L3MBTL1: variants seen among roughly 807,000 people sequenced by gnomAD.
The protein encoded by L3MBTL1 is lethal(3)malignant brain tumor-like protein 1.
A neutral mutation model predicts 105.3 loss-of-function variants in L3MBTL1; 75 were observed. The observed-to-expected ratio is 0.71, with a 90% CI of 0.59 to 0.86. The LOEUF (loss-of-function observed/expected upper bound fraction) is 0.86, where lower values mean the gene tolerates loss of function less well. Among genes scored for constraint, L3MBTL1 ranks in the 40% least tolerant of loss-of-function variants. The pLI, the probability that L3MBTL1 is intolerant of heterozygous loss-of-function variation, is 0.00. For synonymous variants in L3MBTL1, 452 were observed against 436.2 expected (o/e 1.04, Z -0.45); for missense variants, 1,069 against 1,126.4 (o/e 0.95, Z 0.73).
At chr20:43,537,543 A>C (rs1246518629) in intron 19 of L3MBTL1, among the ~76,000 whole-genome samples, 1 of 152,162 alleles carries the variant, frequency 6.6e-6, no homozygotes, top group African/African-American at 2.4e-5. Context: ...TCCCATTCAG[A>C]GGCACTGGGG....
chr20:43,508,688 C>T (rs1312870698), intron 1 of L3MBTL1, among the ~76,000 whole-genome samples: 1 of 152,204 alleles, frequency 6.6e-6, no homozygotes, highest in Non-Finnish European at 1.5e-5. Context: ...AGGTCGGGTC[C>T]CCCGAAACAG....
chr20:43,508,416 G>C (rs1305711819), intron 1 of L3MBTL1, among the ~76,000 whole-genome samples: 1 of 152,188 alleles, frequency 6.6e-6, no homozygotes, highest in Admixed American at 6.5e-5. Context: ...GGCGAGGGGC[G>C]GGGCCGAGGC....
chr20:43,509,981 A>G (rs2018088504), intron 1 of L3MBTL1, among the ~76,000 whole-genome samples: 1 of 152,148 alleles, frequency 6.6e-6, no homozygotes, highest in South Asian at 2.1e-4. Flanking sequence ...CTCCTGCCTC[A>G]GCCTCCTGAG....
At chr20:43,536,889 T>C (rs1260697262) in intron 19 of L3MBTL1, among the ~76,000 whole-genome samples, 4 of 152,246 alleles carry the variant, frequency 2.6e-5, no homozygotes, top group African/African-American at 9.6e-5. Flanking sequence ...CTTTCCATTG[T>C]CAATACCTGA....
chr20:43,547,716 G>A (rs1193616350), intron 18 of L3MBTL1, among the ~76,000 whole-genome samples: 2 of 152,164 alleles, frequency 1.3e-5, no homozygotes, highest in Non-Finnish European at 2.9e-5. Context: ...CAGCACTAAG[G>A]TTGACCAATG....
chr20:43,535,807 A>G (rs375139180), intron 16 of L3MBTL1, 30 bp from the exon 17 acceptor site: 15 of 1,472,928 alleles, frequency 1.0e-5, no homozygotes, highest in Non-Finnish European at 1.4e-5. Flanking sequence ...CCAGGACTCC[A>G]TGAGGACCGC....
intron 19 of L3MBTL1, 76 bp from the exon 20 acceptor site, chr20:43,540,075 G>A: frequency 1.3e-6 from 2 of 1,557,844 alleles, no homozygotes; most frequent in Non-Finnish European, 1.7e-6. Flanking sequence ...TCTCCTGAGT[G>A]GTGTGGGTAT....
intron 19 of L3MBTL1, among the ~76,000 whole-genome samples, chr20:43,537,121 G>A (rs948983168): frequency 1.3e-5 from 2 of 152,228 alleles, no homozygotes; most frequent in Non-Finnish European, 2.9e-5. Flanking sequence ...GATCTGGCCT[G>A]ACTCCTCCTG....
chr20:43,514,009 G>T lies in L3MBTL1; in HGVS notation c.308G>T (p.Arg103Leu). 3 of 1,541,702 alleles carry T rather than the reference G, an allele frequency of 1.9e-6. No individual in the cohort carries two copies. The highest frequency in any genetic ancestry group is 2.6e-6 in the Non-Finnish European group (3 of 1,146,818). The change falls in exon 3 of 22, where the codon CGG becomes CTG. Residue 103 changes from arginine (R) to leucine (L), a missense_variant. By Grantham distance (102) the Arg-to-Leu change is moderately radical. Transcript: ENST00000418998. ...GCCAGCTCCAGCACCAGCACAGTGC[G>T]GCTTCTGGAATGGACAGAGGCCGCG... ...GPASSSTSTV[R>L]LLEWTEAAAP...
intron 7 of L3MBTL1, among the ~76,000 whole-genome samples, chr20:43,523,022 C>G (rs1055564236): frequency 2.0e-5 from 3 of 151,714 alleles, no homozygotes; most frequent in Non-Finnish European, 2.9e-5. Flanking sequence ...GCAGGAGAAT[C>G]ACTTGAACCT....
chr20:43,532,797 G>A lies in L3MBTL1; in HGVS notation c.1309G>A (p.Val437Met), dbSNP rs1484374546. Residue 437 changes from valine (V) to methionine (M), a missense_variant, in exon 12 of 22, where the codon GTG becomes ATG. Coordinates refer to ENST00000418998, the MANE Select transcript of L3MBTL1 (RefSeq NM_001377303.1). ...GAGTCCCCCACCCCTGGGCTTCCAG[G>A]TGGGCATGAAGCTGGAGGCTGTTGA... ...SHSPPPLGFQ[V>M]GMKLEAVDRM... The A allele has an allele frequency of 1.2e-6, 2 of 1,614,226 alleles. No homozygotes were observed. Among genetic ancestry groups the A allele is most frequent in the Middle Eastern group, 1.6e-4 (1 of 6,062 alleles).
chr20:43,534,788 C>T, intron 15 of L3MBTL1, 40 bp from the exon 16 acceptor site: 2 of 1,474,876 alleles, frequency 1.4e-6, no homozygotes, highest in Non-Finnish European at 1.9e-6. Context: ...AGCTGGGCTC[C>T]ATGAGAAACG....
rs990087927 is a variant in L3MBTL1, at chr20:43,524,007, A to G, written c.863-4650A>G. On this transcript the variant is annotated intron_variant, in intron 7 of 21. Coordinates refer to ENST00000418998, the MANE Select transcript of L3MBTL1 (RefSeq NM_001377303.1). Reference sequence around the variant, plus strand: ...GACTCCATCTCAAAAAAAAAAAAAAAAAAGAAACAGGATGTCACTATGTTG... The same window carrying G: ...GACTCCATCTCAAAAAAAAAAAAAAGAAAGAAACAGGATGTCACTATGTTG... 8.6e-5 allele frequency among the ~76,000 whole-genome samples: 13 copies of G among 151,778 alleles called. No homozygotes were observed. In the East Asian group the frequency reaches 1.2e-3, roughly 14 times the overall value.
chr20:43,511,798 AAAT>A (rs1257337656), intron 1 of L3MBTL1, among the ~76,000 whole-genome samples: 23 of 147,764 alleles, frequency 1.6e-4, no homozygotes, highest in African/African-American at 5.3e-4. Context: ...AAAAAAAAAA[AAAT>A]TGGTAAAGAA....
In L3MBTL1 at chr20:43,541,086, T is replaced by G. The variant is rs771364632; in HGVS notation, c.2547T>G (p.His849Gln). Residue 849 changes from histidine (H) to glutamine (Q), a missense_variant, in exon 22 of 22, where the codon CAT becomes CAG. Transcript: ENST00000418998. Reference sequence around the variant, plus strand: ...CACTCCTCTGCTCTCTACCCACTCATTTGCTTGCCAAACTTAGCTTTGCCA... The same window carrying G: ...CACTCCTCTGCTCTCTACCCACTCAGTTGCTTGCCAAACTTAGCTTTGCCA... Reference protein sequence around the residue: ...VHSLLCSLPTHLLAKLSFASD... With the variant: ...VHSLLCSLPTQLLAKLSFASD... 3 of 1,614,152 alleles carry G rather than the reference T, an allele frequency of 1.9e-6. No individual in the cohort carries two copies. The highest frequency in any genetic ancestry group is 2.5e-6 in the Non-Finnish European group (3 of 1,180,008).
At chr20:43,528,816 C>T in intron 8 of L3MBTL1, 71 bp downstream of exon 8, 1 of 1,188,220 alleles carries the variant, frequency 8.4e-7, no homozygotes, top group Non-Finnish European at 1.3e-6. Flanking sequence ...AACCTCAGGC[C>T]TTCTGGCGTT....
chr20:43,538,350 A>G (rs931725650), intron 19 of L3MBTL1, among the ~76,000 whole-genome samples: 3 of 152,210 alleles, frequency 2.0e-5, no homozygotes, highest in Non-Finnish European at 4.4e-5. Flanking sequence ...GGCTGAGACT[A>G]TGTCACGGAA....
intron 11 of L3MBTL1, 189 bp from the exon 12 acceptor site, chr20:43,532,584 C>T (rs1326101871): frequency 1.7e-6 from 1 of 583,210 alleles, no homozygotes; most frequent in Non-Finnish European, 3.0e-6. Context: ...CCAGAGGTTC[C>T]TGAGTGCCTC....
chr20:43,518,100 A>C (rs1407788779), intron 7 of L3MBTL1, among the ~76,000 whole-genome samples: 2 of 151,722 alleles, frequency 1.3e-5, no homozygotes, highest in East Asian at 3.9e-4. Context: ...CTTTTGAAGC[A>C]TACTACTCAC....
Sources: allele counts gnomAD v4.1 joint callset (sites outside exome capture counted in the v4.1 genomes callset), GRCh38; gene constraint gnomAD v4.1.1; transcripts MANE v1.5; gene names NCBI Gene and HGNC (gene_info 2026-07-23, HGNC 2026-07-21).